SPOCK3: variants seen among roughly 807,000 people sequenced by gnomAD.
The protein encoded by SPOCK3 is testican-3.
A neutral mutation model predicts 56.6 loss-of-function variants in SPOCK3; 30 were observed. That is an observed-to-expected ratio of 0.53 (90% CI 0.40 to 0.72). The LOEUF (loss-of-function observed/expected upper bound fraction) is 0.72, where lower values mean the gene tolerates loss of function less well. SPOCK3 is among the 30% of genes least tolerant of loss of function. SPOCK3 has a pLI of 0.00. For missense variants in SPOCK3, 527 were observed against 530.0 expected (o/e 0.99, Z 0.06); for synonymous variants, 196 against 183.3 (o/e 1.07, Z -0.56).
At chr4:166,880,087 T>C (rs1449696304) in intron 6 of SPOCK3, among the ~76,000 whole-genome samples, 4 of 152,226 alleles carry the variant, frequency 2.6e-5, no homozygotes, top group Non-Finnish European at 4.4e-5. Flanking sequence ...TATTTATTTA[T>C]GGAAGTGCAA....
At chr4:166,740,220 T>C (rs1466325080) in intron 9 of SPOCK3, among the ~76,000 whole-genome samples, 1 of 152,114 alleles carries the variant, frequency 6.6e-6, no homozygotes, top group African/African-American at 2.4e-5. Context: ...TTCAGACGCG[T>C]ACTAATACCC....
At chr4:167,194,054 A>G (rs919829430) in intron 2 of SPOCK3, among the ~76,000 whole-genome samples, 3 of 151,974 alleles carry the variant, frequency 2.0e-5, no homozygotes, top group Non-Finnish European at 4.4e-5. Flanking sequence ...ACTGTTTTGC[A>G]TTCTCTATTG....
At chr4:167,062,155 C>G (rs1755672240) in intron 3 of SPOCK3, among the ~76,000 whole-genome samples, 2 of 151,686 alleles carry the variant, frequency 1.3e-5, no homozygotes, top group South Asian at 4.1e-4. Context: ...AAAGTTTGTA[C>G]AAATAAATCT....
intron 2 of SPOCK3, among the ~76,000 whole-genome samples, chr4:167,148,555 A>G (rs1764165567): frequency 6.6e-6 from 1 of 152,142 alleles, no homozygotes. Context: ...CAATATAATT[A>G]TTTCTGTAAA....
chr4:166,751,187 T>A (rs1736332837), intron 8 of SPOCK3, among the ~76,000 whole-genome samples: 2 of 152,316 alleles, frequency 1.3e-5, no homozygotes, highest in East Asian at 3.9e-4. Context: ...ATATTCACAA[T>A]TCCAAATCCT....
chr4:166,981,459 A>G (rs568247598), intron 4 of SPOCK3, among the ~76,000 whole-genome samples: 4 of 152,050 alleles, frequency 2.6e-5, no homozygotes, highest in Non-Finnish European at 5.9e-5. Flanking sequence ...CAGGCATGTC[A>G]TCCCGACAAG....
chr4:167,119,572 G>C (rs773162261), intron 2 of SPOCK3, among the ~76,000 whole-genome samples: 57 of 152,072 alleles, frequency 3.7e-4, no homozygotes, highest in Non-Finnish European at 7.9e-4. Context: ...ATCTGTTGAA[G>C]TCATTTAAAC....
chr4:166,860,929 TA>T (rs1731190301), intron 6 of SPOCK3, among the ~76,000 whole-genome samples: 1 of 150,978 alleles, frequency 6.6e-6, no homozygotes, highest in African/African-American at 2.4e-5. Flanking sequence ...GGGAACACTA[TA>T]ACGTCTGGAA....
At chr4:166,768,509 T>C (rs1738457505) in intron 7 of SPOCK3, among the ~76,000 whole-genome samples, 1 of 152,234 alleles carries the variant, frequency 6.6e-6, no homozygotes, top group Non-Finnish European at 1.5e-5. Flanking sequence ...ATGTTGAATA[T>C]TGGCCCCCAC....
chr4:167,064,778 G>A (rs1755941919), intron 2 of SPOCK3, among the ~76,000 whole-genome samples: 1 of 151,690 alleles, frequency 6.6e-6, no homozygotes, highest in Non-Finnish European at 1.5e-5. Flanking sequence ...ATGAAAGTTG[G>A]AAAAATAATA....
chr4:166,790,952 CT>C (rs1741279535), intron 7 of SPOCK3, among the ~76,000 whole-genome samples: 1 of 152,270 alleles, frequency 6.6e-6, no homozygotes, highest in South Asian at 2.1e-4. Context: ...GGCAAATATA[CT>C]GAATCATTAT....
At chr4:166,765,067 T>C (rs1183876731) in intron 7 of SPOCK3, among the ~76,000 whole-genome samples, 1 of 152,178 alleles carries the variant, frequency 6.6e-6, no homozygotes, top group Non-Finnish European at 1.5e-5. Flanking sequence ...TTGTTTGAGT[T>C]CTTTGTAGAT....
At chr4:167,109,418 T>A (rs1276026374) in intron 2 of SPOCK3, among the ~76,000 whole-genome samples, 2 of 85,426 alleles carry the variant, frequency 2.3e-5, no homozygotes, top group South Asian at 3.3e-4. Flanking sequence ...AATATATATA[T>A]AAATATATAT....
intron 2 of SPOCK3, among the ~76,000 whole-genome samples, chr4:167,168,901 G>GT (rs1288088721): frequency 6.6e-6 from 1 of 152,132 alleles, no homozygotes; most frequent in Non-Finnish European, 1.5e-5. Context: ...TAGGGACTTG[G>GT]TGTCCTAAGT....
At position 166,734,824 on chromosome 4, in the gene SPOCK3, G is replaced by T; in HGVS notation, c.*97C>A. 1.9e-6 allele frequency: 2 copies of T among 1,035,498 alleles called. No individual in the cohort carries two copies. Among genetic ancestry groups the T allele is most frequent in the Non-Finnish European group, 1.4e-6 (1 of 725,934 alleles). 64.1% of individuals were successfully genotyped at this position (1,035,498 alleles called of 1,614,324 possible). Reference sequence around the variant, plus strand: ...TTATACAAAATATATGTGAGGTTTAGAATCATTTTGTTATTGGGGAAGAAG... The same window carrying T: ...TTATACAAAATATATGTGAGGTTTATAATCATTTTGTTATTGGGGAAGAAG... On this transcript the variant is annotated 3_prime_UTR_variant, in exon 11 of 11. Coordinates refer to ENST00000357545, the MANE Select transcript of SPOCK3 (RefSeq NM_001040159.2).
chr4:166,894,030 G>A (rs916802769), intron 5 of SPOCK3, among the ~76,000 whole-genome samples: 2 of 152,042 alleles, frequency 1.3e-5, no homozygotes, highest in African/African-American at 4.8e-5. Flanking sequence ...TGCACAAAAT[G>A]TCTTAATTGC....
At chr4:167,095,852 T>C (rs983396623) in intron 2 of SPOCK3, among the ~76,000 whole-genome samples, 4 of 151,878 alleles carry the variant, frequency 2.6e-5, no homozygotes, top group African/African-American at 9.7e-5. Context: ...AGCATGACTG[T>C]TTTATTAGTA....
At chr4:166,823,726 G>T (rs932977608) in intron 6 of SPOCK3, among the ~76,000 whole-genome samples, 7 of 151,958 alleles carry the variant, frequency 4.6e-5, no homozygotes, top group Admixed American at 4.6e-4. Flanking sequence ...ACTCAATGGT[G>T]TTATGAGATA....
chr4:166,902,186 C>T (rs1225255080), intron 5 of SPOCK3, among the ~76,000 whole-genome samples: 1 of 152,106 alleles, frequency 6.6e-6, no homozygotes, highest in African/African-American at 2.4e-5. Flanking sequence ...TACATTTCCA[C>T]CGTTTTCTGA....
Sources: allele counts gnomAD v4.1 joint callset (sites outside exome capture counted in the v4.1 genomes callset), GRCh38; gene constraint gnomAD v4.1.1; transcripts MANE v1.5; gene names NCBI Gene and HGNC (gene_info 2026-07-23, HGNC 2026-07-21).